SAFB2: variants seen among roughly 807,000 people sequenced by gnomAD.
SAFB2 encodes scaffold attachment factor B2.
In SAFB2, 32 loss-of-function variants were observed where a neutral mutation model predicts 100.6. The ratio of observed to expected loss-of-function variants is 0.32; its 90% CI spans 0.24 to 0.43. The LOEUF is 0.43. Ranked by LOEUF, SAFB2 falls within the 20% of genes least tolerant of loss-of-function variation. The pLI is 1.00. For missense variants in SAFB2, 1,185 were observed against 1,163.4 expected (o/e 1.02, Z -0.27); for synonymous variants, 500 against 439.4 (o/e 1.14, Z -1.72).
At chr19:5,589,853 C>T (rs1447886714) in intron 18 of SAFB2, among the ~76,000 whole-genome samples, 6 of 152,134 alleles carry the variant, frequency 3.9e-5, no homozygotes, top group Non-Finnish European at 8.8e-5. Flanking sequence ...TGAGAAGATC[C>T]ACCCCAGACC....
intron 15 of SAFB2, 68 bp downstream of exon 15, chr19:5,593,823 T>A: frequency 1.5e-6 from 2 of 1,370,878 alleles, no homozygotes; most frequent in Non-Finnish European, 1.9e-6. Flanking sequence ...AAGCCGCTGT[T>A]CTGCTGGAAG....
intron 9 of SAFB2, among the ~76,000 whole-genome samples, chr19:5,606,570 T>C (rs142425968): frequency 2.6e-4 from 39 of 152,170 alleles, no homozygotes; most frequent in African/African-American, 9.2e-4. Context: ...GAGGCTGCAG[T>C]GAGCACCACT....
chr19:5,607,495 G>A (rs1277292003), intron 9 of SAFB2, among the ~76,000 whole-genome samples: 1 of 152,146 alleles, frequency 6.6e-6, no homozygotes, highest in Admixed American at 6.5e-5. Flanking sequence ...GACTGTAAGG[G>A]AAGATGTGTA....
At chr19:5,602,257 C>T (rs2052674323) in intron 11 of SAFB2, among the ~76,000 whole-genome samples, 2 of 151,894 alleles carry the variant, frequency 1.3e-5, no homozygotes, top group Non-Finnish European at 2.9e-5. Context: ...GTGGGTGGAT[C>T]ACGAGGTCAG....
At position 5,616,245 on chromosome 19, in the gene SAFB2, C is replaced by A. The variant is rs758718091; in HGVS notation, c.430G>T (p.Ala144Ser). 1 of 1,614,232 alleles carries A rather than the reference C, an allele frequency of 6.2e-7. No homozygotes were observed. Among genetic ancestry groups the A allele is most frequent in the Admixed American group, 1.7e-5 (1 of 60,020 alleles). The change falls in exon 4 of 21, where the codon GCT becomes TCT. Residue 144 changes from alanine (A) to serine (S), a missense_variant. Physicochemically the swap from Ala to Ser is moderately conservative, Grantham distance 99. Around this residue, in one of 3 missense-constraint regions of SAFB2, gnomAD observed 351 missense variants for 341.2 expected, o/e 1.03. Coordinates refer to ENST00000252542, the MANE Select transcript of SAFB2 (RefSeq NM_014649.3). ...GTGCCATCCTCCCCAAAATCTGGAG[C>A]ACTGCTATTCGCCACTTCAGTTTCG... ...LDETEVANSS[A>S]PDFGEDGTDG...
At chr19:5,620,596 A>G (rs890437550) in intron 2 of SAFB2, among the ~76,000 whole-genome samples, 6 of 152,264 alleles carry the variant, frequency 3.9e-5, no homozygotes, top group African/African-American at 1.4e-4. Flanking sequence ...GTACAATTCC[A>G]TCTACATGAA....
intron 15 of SAFB2, 146 bp from the exon 16 acceptor site, chr19:5,593,033 G>C (rs1450895831): frequency 2.8e-6 from 2 of 726,324 alleles, no homozygotes; most frequent in Non-Finnish European, 4.5e-6. Flanking sequence ...CTAAACATTC[G>C]ATCATCATTG....
chr19:5,597,058 G>A (rs756810651), intron 13 of SAFB2, among the ~76,000 whole-genome samples: 1 of 152,086 alleles, frequency 6.6e-6, no homozygotes, highest in Non-Finnish European at 1.5e-5. Context: ...CTACGAGACG[G>A]GCAGATGTCT....
intron 4 of SAFB2, chr19:5,613,775 C>T (rs767566859): frequency 1.0e-5 from 10 of 983,638 alleles, no homozygotes; most frequent in Non-Finnish European, 9.7e-6. Context: ...GGTGAATGAA[C>T]GAATGAATTT....
At position 5,611,255 on chromosome 19, in the gene SAFB2, G is replaced by T; in HGVS notation, c.1010C>A (p.Ala337Glu). Residue 337 changes from alanine (A) to glutamate (E), a missense_variant, in exon 7 of 21, where the codon GCA becomes GAA. By Grantham distance (107) the Ala-to-Glu change is moderately radical (BLOSUM62 -1). This residue lies in a region of SAFB2 where 351 missense variants were observed against 341.2 expected (regional missense o/e 1.03). Transcript: ENST00000252542. ...AEASSEELAE[A>E]PTEAPSPEAR... ...TTCTGGGCTTGGGGCTTCCGTGGGT[G>T]CTTCTGCGAGCTCCTCGCTAGAGGC... 2.5e-6 allele frequency: 1 copy of T among 394,888 alleles called. No individual in the cohort carries two copies. The highest frequency in any genetic ancestry group is 4.1e-6 in the Non-Finnish European group (1 of 244,190). 24.5% of individuals were successfully genotyped at this position (394,888 alleles called of 1,614,324 possible). A position where few individuals can be genotyped will look rare whatever the true frequency, so the allele number is the denominator to read the frequency against.
chr19:5,617,828 GAATATTT>G (rs1423735550), intron 2 of SAFB2, among the ~76,000 whole-genome samples: 1 of 152,150 alleles, frequency 6.6e-6, no homozygotes, highest in Non-Finnish European at 1.5e-5. Flanking sequence ...TGCTTTTAAA[GAATATTT>G]AATGAAACAG....
intron 16 of SAFB2, 73 bp from the exon 17 acceptor site, chr19:5,591,866 G>A (rs528153486): frequency 2.1e-4 from 292 of 1,417,440 alleles, no homozygotes; most frequent in East Asian, 6.0e-4. Flanking sequence ...GGCAAGTTTC[G>A]CGACTGGGAT....
At position 5,587,088 on chromosome 19, in the gene SAFB2, TAA is replaced by T. The variant is rs761417725; in HGVS notation, c.*153_*154del. The T allele has an allele frequency of 5.4e-3, 4,195 of 775,734 alleles. No homozygotes were observed. Among genetic ancestry groups the T allele is most frequent in the South Asian group, 8.6e-3 (313 of 36,504 alleles). 48.1% of individuals were successfully genotyped at this position (775,734 alleles called of 1,614,324 possible). A position where few individuals can be genotyped will look rare whatever the true frequency, so the allele number is the denominator to read the frequency against. ...ATGGCAGAACAAGAACACATTTATT[TAA>T]AAAAAAAAAAAAAGTGAGTTCACAT... On this transcript the variant is annotated 3_prime_UTR_variant, in exon 21 of 21. Transcript: ENST00000252542. This position sits in a 1 kb window ranked among gnomAD's most constrained non-coding sequence, Gnocchi z 4.9.
chr19:5,593,727 C>T, intron 15 of SAFB2, 164 bp downstream of exon 15: 1 of 691,254 alleles, frequency 1.4e-6, no homozygotes, highest in Non-Finnish European at 2.2e-6. Context: ...AATAAACCTG[C>T]AGCAGCGCAG....
intron 15 of SAFB2, among the ~76,000 whole-genome samples, chr19:5,593,322 C>T (rs2052455960): frequency 6.6e-6 from 1 of 152,254 alleles, no homozygotes; most frequent in African/African-American, 2.4e-5. Flanking sequence ...TAGTGAACTA[C>T]ACACAGCTCT....
At chr19:5,597,908 T>G (rs2052566074) in intron 13 of SAFB2, among the ~76,000 whole-genome samples, 1 of 152,018 alleles carries the variant, frequency 6.6e-6, no homozygotes, top group African/African-American at 2.4e-5. Flanking sequence ...GGCGGGTGGA[T>G]CACTTGAGGT....
At chr19:5,598,607 G>A (rs2052584203) in intron 13 of SAFB2, 186 bp downstream of exon 13, 1 of 607,382 alleles carries the variant, frequency 1.6e-6, no homozygotes, top group Non-Finnish European at 3.0e-6. Flanking sequence ...ACACGGATGG[G>A]CACTGCTCTG....
chr19:5,605,450 AAC>A (rs1169668648), intron 9 of SAFB2, among the ~76,000 whole-genome samples: 2 of 152,188 alleles, frequency 1.3e-5, no homozygotes, highest in East Asian at 3.8e-4. Context: ...TCACAAGGAA[AAC>A]ACACAAACAT....
At chr19:5,591,462 TAG>T (rs2052402154) in intron 17 of SAFB2, 1 of 280,926 alleles carries the variant, frequency 3.6e-6, no homozygotes, top group African/African-American at 2.2e-5. Context: ...GTATTTTTAG[TAG>T]AGACAGGGTT....
Sources: gnomAD v4.1 joint callset for allele counts (sites outside exome capture counted in the v4.1 genomes callset) on GRCh38, gnomAD v4.1.1 for gene constraint, gnomAD v4.1.1 regional missense constraint, Gnocchi (gnomAD v3.1) non-coding constraint, MANE v1.5 for transcripts, NCBI Gene and HGNC (gene_info 2026-07-23, HGNC 2026-07-21) for gene names.